Variants in CYP19A1 observed in about 807,000 individuals in gnomAD.
CYP19A1 encodes the protein cytochrome P450 family 19 subfamily A member 1.
CYP19A1 carries 32 observed loss-of-function variants against 44.4 expected under a neutral mutation model. The observed-to-expected ratio is 0.72, with a 90% CI of 0.54 to 0.97. The LOEUF is 0.97. Ranked by LOEUF, CYP19A1 falls within the 50% of genes least tolerant of loss-of-function variation. The probability of loss-of-function intolerance (pLI) is 0.00; values close to 1 mark genes in which losing one functional copy is unlikely to be tolerated. For synonymous variants in CYP19A1, 212 were observed against 215.6 expected (o/e 0.98, Z 0.14); for missense variants, 598 against 637.8 (o/e 0.94, Z 0.67).
rs1595661618 is a variant in CYP19A1 at position 51,210,125 on chromosome 15, G to A, written c.*683C>T. 2.9e-6 allele frequency: 1 copy of A among 341,408 alleles called. No individual in the cohort carries two copies. Among genetic ancestry groups the A allele is most frequent in the East Asian group, 7.9e-5 (1 of 12,738 alleles). 21.1% of individuals were successfully genotyped at this position (341,408 alleles called of 1,614,324 possible). A position where few individuals can be genotyped will look rare whatever the true frequency, so the allele number is the denominator to read the frequency against. ...TAGTTTGTATTACCTGAATCTACAG[G>A]TAACACAATGAATTGTAGCACAGGC... On this transcript the variant is annotated 3_prime_UTR_variant, in exon 10 of 10. Transcript: ENST00000396402.
At chr15:51,297,703 A>G (rs2470157) in intron 1 of CYP19A1, among the ~76,000 whole-genome samples, 15,088 of 151,764 alleles carry the variant, frequency 0.099, 860 homozygotes, top group African/African-American at 0.13. Flanking sequence ...GTTTCTAGTA[A>G]ACTCTACCTG....
At chr15:51,271,392 A>G (rs990658459) in intron 1 of CYP19A1, among the ~76,000 whole-genome samples, 1 of 152,166 alleles carries the variant, frequency 6.6e-6, no homozygotes, top group African/African-American at 2.4e-5. Context: ...TTAGCATCCA[A>G]ATGATGTTTT....
intron 2 of CYP19A1, among the ~76,000 whole-genome samples, chr15:51,240,879 T>C (rs1037848811): frequency 2.0e-5 from 3 of 152,196 alleles, no homozygotes; most frequent in East Asian, 1.9e-4. Context: ...TGGCTTCTCA[T>C]GCTTGTCATA....
chr15:51,271,785 T>TA (rs1483732003), intron 1 of CYP19A1, among the ~76,000 whole-genome samples: 1 of 152,248 alleles, frequency 6.6e-6, no homozygotes, highest in Non-Finnish European at 1.5e-5. Flanking sequence ...AAGACTGATC[T>TA]TCTAGTTCAT....
At position 51,227,913 on chromosome 15, in the gene CYP19A1, AT is replaced by A; in HGVS notation, c.316del (p.Ile106Ter). On this transcript the variant is annotated frameshift_variant, in exon 4 of 10. Transcript: ENST00000396402. LOFTEE classifies it high-confidence loss of function. The stretch of plus-strand genomic sequence containing the variant: ...AGAGCTGTAATGATTGTGCTTCATT[AT>A]GTGGAACATACTTGAGGACCTGAAA... Reference protein sequence around the residue: ...IISKSSSMFHIMKHNHYSSRF... With the variant: ...IISKSSSMFHXMKHNHYSSRF... 1.3e-6 allele frequency: 2 copies of A among 1,598,714 alleles called. No homozygotes were observed. Among genetic ancestry groups the A allele is most frequent in the Non-Finnish European group, 1.7e-6 (2 of 1,166,012 alleles).
chr15:51,267,830 A>G (rs1038479613), intron 1 of CYP19A1, among the ~76,000 whole-genome samples: 9 of 152,174 alleles, frequency 5.9e-5, no homozygotes, highest in African/African-American at 1.9e-4. Flanking sequence ...CCGGCTCCCC[A>G]TGCCCCGGGG....
intron 9 of CYP19A1, 149 bp downstream of exon 9, chr15:51,212,171 G>A: frequency 1.4e-6 from 1 of 736,568 alleles, no homozygotes. Context: ...CCTGCTCCAA[G>A]CTAGGGGACG....
chr15:51,290,883 C>T (rs552628764), intron 1 of CYP19A1, among the ~76,000 whole-genome samples: 2 of 152,344 alleles, frequency 1.3e-5, no homozygotes, highest in East Asian at 3.9e-4. Flanking sequence ...CATTGATCCT[C>T]TTGCCTAGGA....
intron 1 of CYP19A1, among the ~76,000 whole-genome samples, chr15:51,272,547 A>G (rs1372374617): frequency 6.6e-6 from 1 of 152,248 alleles, no homozygotes; most frequent in East Asian, 1.9e-4. Flanking sequence ...AACACTAAAT[A>G]AGAAAAGCTA....
intron 7 of CYP19A1, 92 bp from the exon 8 acceptor site, chr15:51,215,324 C>A: frequency 6.4e-7 from 1 of 1,569,112 alleles, no homozygotes; most frequent in Non-Finnish European, 8.7e-7. Context: ...ACAACCTCAA[C>A]AAAATGAAAT....
intron 1 of CYP19A1, among the ~76,000 whole-genome samples, chr15:51,314,572 C>A (rs1189280397): frequency 6.6e-6 from 1 of 152,202 alleles, no homozygotes; most frequent in Non-Finnish European, 1.5e-5. Context: ...CCAAGAAAAC[C>A]ATGACCAAAT....
chr15:51,275,171 G>A (rs1489034741), intron 1 of CYP19A1, among the ~76,000 whole-genome samples: 1 of 152,228 alleles, frequency 6.6e-6, no homozygotes, highest in Non-Finnish European at 1.5e-5. Context: ...ACCTCAAAGA[G>A]TCCTACCCCA....
chr15:51,336,962 T>A (rs910196977), intron 1 of CYP19A1, among the ~76,000 whole-genome samples: 4 of 151,866 alleles, frequency 2.6e-5, no homozygotes, highest in Non-Finnish European at 4.4e-5. Flanking sequence ...CTGTGAAGTA[T>A]CAGGCAGGGC....
intron 1 of CYP19A1, among the ~76,000 whole-genome samples, chr15:51,282,715 A>AT (rs1371309568): frequency 1.3e-5 from 2 of 152,238 alleles, no homozygotes; most frequent in Non-Finnish European, 2.9e-5. Flanking sequence ...GTGGGGCGAC[A>AT]AAGGCCCTGG....
chr15:51,227,755 G>A (rs2032708290), intron 4 of CYP19A1, 24 bp downstream of exon 4: 3 of 1,058,774 alleles, frequency 2.8e-6, no homozygotes, highest in Admixed American at 1.7e-5. Context: ...AAAAAAGATT[G>A]TAGCTAACTA....
At chr15:51,283,536 T>C (rs545371339) in intron 1 of CYP19A1, among the ~76,000 whole-genome samples, 1 of 152,352 alleles carries the variant, frequency 6.6e-6, no homozygotes, top group African/African-American at 2.4e-5. Flanking sequence ...TACATAAGGC[T>C]ACTCTTTCAG....
At position 51,213,106 on chromosome 15, in the gene CYP19A1, G is replaced by C. The variant is rs564952783; in HGVS notation, c.1022-545C>G. 6.6e-5 allele frequency among the ~76,000 whole-genome samples: 10 copies of C among 152,306 alleles called. No individual in the cohort carries two copies. The South Asian group carries it at 1.2e-3, about 19-fold the overall frequency. ...AGAGTCAAAGTGAGATGGCAGATTT[G>C]ATCTATTTCAATGAAATTTTCTCTT... On this transcript the variant is annotated intron_variant, in intron 8 of 9. Coordinates refer to ENST00000396402, the MANE Select transcript of CYP19A1 (RefSeq NM_000103.4).
At chr15:51,310,460 C>A (rs2036291466) in intron 1 of CYP19A1, among the ~76,000 whole-genome samples, 1 of 152,166 alleles carries the variant, frequency 6.6e-6, no homozygotes, top group South Asian at 2.1e-4. Flanking sequence ...GGGGCCTCTG[C>A]AAGACAAAAA....
chr15:51,212,374 TC>T lies in CYP19A1; in HGVS notation c.1208del (p.Arg403AsnfsTer43), dbSNP rs2031086382. 1.3e-6 allele frequency: 2 copies of T among 1,593,072 alleles called. No homozygotes were observed. Among genetic ancestry groups the T allele is most frequent in the Non-Finnish European group, 1.7e-6 (2 of 1,160,958 alleles). Reference sequence around the variant, plus strand: ...CATTGGGTTTGGGGAAAAACTCGAGTCTGTGCATCCTTCCAATATTCAGGAT... The same window carrying T: ...CATTGGGTTTGGGGAAAAACTCGAGTTGTGCATCCTTCCAATATTCAGGAT... Reference protein sequence around the residue: ...NIILNIGRMHRLEFFPKPNEF... With the variant: ...NIILNIGRMHXLEFFPKPNEF... On this transcript the variant is annotated frameshift_variant, in exon 9 of 10. Coordinates refer to ENST00000396402, the MANE Select transcript of CYP19A1 (RefSeq NM_000103.4). LOFTEE classifies it high-confidence loss of function.
Sources: gnomAD v4.1 joint callset for allele counts (sites outside exome capture counted in the v4.1 genomes callset) on GRCh38, gnomAD v4.1.1 for gene constraint, MANE v1.5 for transcripts, NCBI Gene and HGNC (gene_info 2026-07-23, HGNC 2026-07-21) for gene names.